The following PTPN13 variants were observed in gnomAD, a reference collection of about 807,000 sequenced individuals.
PTPN13 encodes the protein tyrosine-protein phosphatase non-receptor type 13.
Under a neutral mutation model 284.0 loss-of-function variants are expected in PTPN13, and 191 were observed. That is an observed-to-expected ratio of 0.67 (90% CI 0.60 to 0.76). The LOEUF (loss-of-function observed/expected upper bound fraction) is 0.76, where lower values mean the gene tolerates loss of function less well. PTPN13 is among the 30% of genes least tolerant of loss of function. The probability of loss-of-function intolerance (pLI) is 0.00; values close to 1 mark genes in which losing one functional copy is unlikely to be tolerated. For missense variants in PTPN13, 2,797 were observed against 2,939.9 expected, an observed-to-expected ratio of 0.95 and a Z score of 1.12; for synonymous variants, 986 against 1,022.3, an observed-to-expected ratio of 0.96 and a Z score of 0.68.
intron 30 of PTPN13, 113 bp from the exon 31 acceptor site, chr4:86,771,058 T>C (rs930229433): frequency 8.9e-5 from 102 of 1,143,120 alleles, no homozygotes; most frequent in Non-Finnish European, 1.2e-4. Context: ...ACTTTTATCA[T>C]CAGAAAATTC....
intron 2 of PTPN13, among the ~76,000 whole-genome samples, chr4:86,663,263 A>G (rs1726716277): frequency 6.6e-6 from 1 of 152,260 alleles, no homozygotes; most frequent in African/African-American, 2.4e-5. Flanking sequence ...TAAGTTTTGT[A>G]TAACACAAGA....
chr4:86,707,971 TAGAA>T (rs1731951431), intron 7 of PTPN13, among the ~76,000 whole-genome samples: 1 of 152,188 alleles, frequency 6.6e-6, no homozygotes, highest in Admixed American at 6.5e-5. Flanking sequence ...ATCAACATCT[TAGAA>T]AGGAAAGAAG....
At chr4:86,698,428 CG>C (rs1376060855) in intron 6 of PTPN13, among the ~76,000 whole-genome samples, 1 of 151,992 alleles carries the variant, frequency 6.6e-6, no homozygotes, top group Non-Finnish European at 1.5e-5. Context: ...CAGAAGAGGT[CG>C]GTGCTAAGCA....
At chr4:86,714,446 A>C (rs1732780267) in intron 7 of PTPN13, among the ~76,000 whole-genome samples, 1 of 151,870 alleles carries the variant, frequency 6.6e-6, no homozygotes, top group African/African-American at 2.4e-5. Context: ...TTTTTTAATC[A>C]GTTTTTCCCA....
At chr4:86,597,916 C>T (rs1240414036) in intron 1 of PTPN13, among the ~76,000 whole-genome samples, 2 of 152,162 alleles carry the variant, frequency 1.3e-5, no homozygotes, top group Non-Finnish European at 2.9e-5. Context: ...TTGCCTTATC[C>T]TGTGCTCTGC....
intron 3 of PTPN13, among the ~76,000 whole-genome samples, chr4:86,677,219 A>G (rs1010023881): frequency 6.6e-6 from 1 of 151,834 alleles, no homozygotes; most frequent in South Asian, 2.1e-4. Context: ...GTGAGCGGAG[A>G]TCGCGCCACT....
Position 86,788,146 on chromosome 4 carries a change from A to C in PTPN13, c.6345+2210A>C, listed in dbSNP as rs191645139. ...TTAGATTAAAACATTTAAAAATTTTATTTGTATCTAATTCTAGGAACACGT... is the reference window on the plus strand; with the variant it reads ...TTAGATTAAAACATTTAAAAATTTTCTTTGTATCTAATTCTAGGAACACGT... On this transcript the variant is annotated intron_variant, in intron 40 of 47. Coordinates refer to ENST00000411767, the MANE Select transcript of PTPN13 (RefSeq NM_080683.3). Among the ~76,000 whole-genome samples, 304 of 152,308 alleles carry C rather than the reference A, an allele frequency of 2.0e-3. 3 individuals are homozygous for C. The highest frequency in any genetic ancestry group is 7.0e-3 in the African/African-American group (290 of 41,582).
At chr4:86,687,374 A>T (rs1233045013) in intron 4 of PTPN13, among the ~76,000 whole-genome samples, 2 of 152,214 alleles carry the variant, frequency 1.3e-5, no homozygotes, top group Non-Finnish European at 2.9e-5. Flanking sequence ...AATAATTCTG[A>T]TTCTTAATGA....
At position 86,750,819 on chromosome 4, in the gene PTPN13, G is replaced by T; in HGVS notation, c.3000G>T (p.Val1000=). ...EPPPQTVAEL[V]GKPSHQMSRS... is the part of the protein sequence containing the mutation. ...CACCACAAACCGTTGCAGAGTTGGT[G>T]GGAAAACCTTCTCACCAGATGTCAA... Residue 1000 remains valine (V), a synonymous_variant, in exon 18 of 48, where the codon GTG becomes GTT. Transcript: ENST00000411767. 1 of 1,613,748 alleles carries T rather than the reference G, an allele frequency of 6.2e-7. No homozygotes were observed. Among genetic ancestry groups the T allele is most frequent in the Non-Finnish European group, 8.5e-7 (1 of 1,179,818 alleles).
chr4:86,675,526 A>G (rs890324552), intron 3 of PTPN13, among the ~76,000 whole-genome samples: 61 of 152,166 alleles, frequency 4.0e-4, no homozygotes, highest in African/African-American at 1.4e-3. Flanking sequence ...AATTTTTTAT[A>G]ATGCTCAGTG....
chr4:86,639,083 T>C (rs1479595921), intron 2 of PTPN13, among the ~76,000 whole-genome samples: 2 of 152,018 alleles, frequency 1.3e-5, no homozygotes, highest in Admixed American at 6.6e-5. Flanking sequence ...AAAATGCTCA[T>C]CATCACTGGC....
chr4:86,762,629 T>C, intron 23 of PTPN13, 98 bp from the exon 24 acceptor site: 1 of 963,196 alleles, frequency 1.0e-6, no homozygotes, highest in South Asian at 1.6e-5. Flanking sequence ...GTGTCATCCT[T>C]ATAAAATCCT....
Position 86,785,932 on chromosome 4 carries a change from C to T in PTPN13, c.6341C>T (p.Thr2114Ile). The T allele has an allele frequency of 6.5e-7, 1 of 1,534,734 alleles. No individual in the cohort carries two copies. The highest frequency in any genetic ancestry group is 8.8e-7 in the Non-Finnish European group (1 of 1,133,194). The change falls in exon 40 of 48, where the codon ACT (threonine) becomes ATT (isoleucine). Residue 2114 changes from threonine to isoleucine, a missense_variant. Coordinates refer to ENST00000411767, the MANE Select transcript of PTPN13 (RefSeq NM_080683.3). ...CDGSPLPEYF[T>I]EATKMNGCEE... ...GGTTCACCTTTACCTGAGTATTTTA[C>T]TGAGGTAACAATAATACCTAAACAA...
At chr4:86,602,977 G>A (rs147545136) in intron 1 of PTPN13, among the ~76,000 whole-genome samples, 5 of 152,280 alleles carry the variant, frequency 3.3e-5, no homozygotes, top group Non-Finnish European at 5.9e-5. Flanking sequence ...GGGATTACAG[G>A]ATGAGCTGCC....
At chr4:86,739,369 C>G (rs1735895036) in intron 15 of PTPN13, among the ~76,000 whole-genome samples, 1 of 152,082 alleles carries the variant, frequency 6.6e-6, no homozygotes, top group Non-Finnish European at 1.5e-5. Flanking sequence ...ACTTATAGTT[C>G]CATGTGGCTG....
At chr4:86,603,239 TAGAAA>T (rs1157870845) in intron 1 of PTPN13, among the ~76,000 whole-genome samples, 1 of 151,996 alleles carries the variant, frequency 6.6e-6, no homozygotes, top group African/African-American at 2.4e-5. Context: ...TAAACATAAT[TAGAAA>T]AGAAGATTCC....
intron 3 of PTPN13, 115 bp from the exon 4 acceptor site, chr4:86,686,595 T>A: frequency 2.9e-6 from 2 of 698,426 alleles, no homozygotes; most frequent in Non-Finnish European, 4.8e-6. Context: ...AATGATGATT[T>A]TCTCAAATTG....
intron 2 of PTPN13, among the ~76,000 whole-genome samples, chr4:86,644,583 G>A (rs762347396): frequency 2.6e-5 from 4 of 152,154 alleles, no homozygotes; most frequent in Non-Finnish European, 4.4e-5. Context: ...AGAGAAGGAT[G>A]TACTTCCCAA....
At chr4:86,607,771 A>C (rs577561227) in intron 1 of PTPN13, among the ~76,000 whole-genome samples, 5 of 151,968 alleles carry the variant, frequency 3.3e-5, no homozygotes, top group Non-Finnish European at 7.4e-5. Context: ...AGCTTTTAAA[A>C]CAGTTCTTGC....
Sources: gnomAD v4.1 joint callset for allele counts (sites outside exome capture counted in the v4.1 genomes callset) on GRCh38, gnomAD v4.1.1 for gene constraint, MANE v1.5 for transcripts, NCBI Gene and HGNC (gene_info 2026-07-23, HGNC 2026-07-21) for gene names.